The following ATRNL1 variants were observed in gnomAD, a reference collection of about 807,000 sequenced individuals.
The protein encoded by ATRNL1 is attractin-like protein 1.
ATRNL1 carries 95 observed loss-of-function variants against 182.7 expected under a neutral mutation model. The observed-to-expected ratio is 0.52, with a 90% CI of 0.44 to 0.62. The LOEUF (loss-of-function observed/expected upper bound fraction) is 0.62, where lower values mean the gene tolerates loss of function less well. ATRNL1 is among the 20% of genes least tolerant of loss of function. ATRNL1 has a pLI of 0.00. For missense variants in ATRNL1, 1,471 were observed against 1,679.5 expected, an observed-to-expected ratio of 0.88 and a Z score of 2.17; for synonymous variants, 576 against 568.3, an observed-to-expected ratio of 1.01 and a Z score of -0.19.
At chr10:115,401,535 C>T (rs1844563864) in intron 20 of ATRNL1, among the ~76,000 whole-genome samples, 1 of 152,128 alleles carries the variant, frequency 6.6e-6, no homozygotes. Flanking sequence ...CAAATATGAG[C>T]TGGATCCTAT....
intron 26 of ATRNL1, among the ~76,000 whole-genome samples, chr10:115,593,557 C>G (rs1477276203): frequency 1.3e-5 from 2 of 152,150 alleles, no homozygotes; most frequent in African/African-American, 4.8e-5. Flanking sequence ...AAGAATGAAA[C>G]TGGACTCTTA....
chr10:115,510,548 A>T (rs918592632), intron 24 of ATRNL1, among the ~76,000 whole-genome samples: 2 of 151,954 alleles, frequency 1.3e-5, no homozygotes, highest in African/African-American at 2.4e-5. Flanking sequence ...TTTTATATAT[A>T]TTTTCTTCTA....
At chr10:115,711,616 T>C (rs558155150) in intron 26 of ATRNL1, among the ~76,000 whole-genome samples, 2 of 152,260 alleles carry the variant, frequency 1.3e-5, no homozygotes, top group Non-Finnish European at 2.9e-5. Flanking sequence ...GGAGGCGAAT[T>C]CTAATGTCAG....
intron 17 of ATRNL1, among the ~76,000 whole-genome samples, chr10:115,309,769 C>G (rs1853921207): frequency 6.6e-6 from 1 of 151,972 alleles, no homozygotes; most frequent in Non-Finnish European, 1.5e-5. Flanking sequence ...TTAGGGTTTT[C>G]TAGGTATACA....
chr10:115,119,816 C>T (rs896741951), intron 1 of ATRNL1, among the ~76,000 whole-genome samples: 2 of 151,976 alleles, frequency 1.3e-5, no homozygotes, highest in Admixed American at 6.6e-5. Flanking sequence ...TTCTCTATTC[C>T]ATAGATTTGT....
chr10:115,842,566 C>G (rs1555097469), intron 27 of ATRNL1, among the ~76,000 whole-genome samples: 1 of 152,060 alleles, frequency 6.6e-6, no homozygotes, highest in African/African-American at 2.4e-5. Flanking sequence ...CAGGATCACA[C>G]AGCTAGCTAG....
chr10:115,910,130 AC>A lies in ATRNL1; in HGVS notation c.4019-34526del, dbSNP rs577859355. Among the ~76,000 whole-genome samples the A allele has an allele frequency of 8.4e-4, 127 of 152,060 alleles. 1 individual carries two copies. Among genetic ancestry groups the A allele is most frequent in the Non-Finnish European group, 1.6e-3 (106 of 67,982 alleles). On this transcript the variant is annotated intron_variant, in intron 28 of 28. Transcript: ENST00000355044. The stretch of plus-strand genomic sequence containing the variant: ...GGTGGTAAGAAAGCAACTGAAACCA[AC>A]CTGAGAAGGGCCATTGACATTACAT...
At chr10:115,836,101 C>T (rs1950665330) in intron 27 of ATRNL1, among the ~76,000 whole-genome samples, 1 of 152,148 alleles carries the variant, frequency 6.6e-6, no homozygotes, top group African/African-American at 2.4e-5. Context: ...CAACTATTTT[C>T]AATTTTAAGA....
chr10:115,332,241 T>C (rs781805391), intron 18 of ATRNL1, among the ~76,000 whole-genome samples: 3 of 152,180 alleles, frequency 2.0e-5, no homozygotes, highest in Non-Finnish European at 4.4e-5. Context: ...TGGGGTATTG[T>C]GGTCACAGAA....
intron 21 of ATRNL1, among the ~76,000 whole-genome samples, chr10:115,435,495 AATTTAT>A (rs1846364300): frequency 2.0e-5 from 3 of 152,228 alleles, no homozygotes; most frequent in South Asian, 4.2e-4. Context: ...TGAGCCCATA[AATTTAT>A]ATTTATTATA....
At chr10:115,503,319 A>C (rs2133641740) in intron 24 of ATRNL1, among the ~76,000 whole-genome samples, 1 of 152,266 alleles carries the variant, frequency 6.6e-6, no homozygotes, top group Non-Finnish European at 1.5e-5. Context: ...ACTGTACACA[A>C]TATTATGATG....
chr10:115,129,374 C>T lies in ATRNL1; in HGVS notation c.668C>T (p.Thr223Ile). The stretch of plus-strand genomic sequence containing the variant: ...TGCTCTGGTCATGGGAAGTGTACAA[C>T]TAGTGTCTCTGTTCCAAGTCAAGTA... ...NNCSGHGKCT[T>I]SVSVPSQVYC... is the part of the protein sequence containing the mutation. The change falls in exon 5 of 29, where the codon ACT becomes ATT. Residue 223 changes from threonine (T) to isoleucine (I), a missense_variant. This residue lies in a region of ATRNL1 where 1,031 missense variants were observed against 1,156.0 expected (regional missense o/e 0.89). Coordinates refer to ENST00000355044, the MANE Select transcript of ATRNL1 (RefSeq NM_207303.4). 2 of 1,613,780 alleles carry T rather than the reference C, an allele frequency of 1.2e-6. No homozygotes were observed. The highest frequency in any genetic ancestry group is 1.7e-6 in the Non-Finnish European group (2 of 1,179,720).
chr10:115,940,668 G>T (rs1364972844), intron 28 of ATRNL1, among the ~76,000 whole-genome samples: 1 of 142,156 alleles, frequency 7.0e-6, no homozygotes, highest in Non-Finnish European at 1.5e-5. Flanking sequence ...CAATGACAGA[G>T]ATTACTCTCT....
intron 26 of ATRNL1, among the ~76,000 whole-genome samples, chr10:115,590,576 T>C (rs1855841655): frequency 6.6e-6 from 1 of 152,166 alleles, no homozygotes; most frequent in Non-Finnish European, 1.5e-5. Flanking sequence ...TCTACTACAG[T>C]CTATTTTATC....
chr10:115,487,331 C>A (rs1246939695), intron 24 of ATRNL1, among the ~76,000 whole-genome samples: 2 of 152,058 alleles, frequency 1.3e-5, no homozygotes, highest in African/African-American at 4.8e-5. Flanking sequence ...TTACTTTGAG[C>A]AGTATGTCCA....
At chr10:115,443,677 AT>A in intron 21 of ATRNL1, among the ~76,000 whole-genome samples, 1 of 152,042 alleles carries the variant, frequency 6.6e-6, no homozygotes, top group African/African-American at 2.4e-5. Context: ...TAGACTTTCT[AT>A]TCTTGGTTAT....
At chr10:115,594,062 C>T (rs1856078952) in intron 26 of ATRNL1, among the ~76,000 whole-genome samples, 1 of 151,934 alleles carries the variant, frequency 6.6e-6, no homozygotes, top group Non-Finnish European at 1.5e-5. Flanking sequence ...TCAGCTGTGA[C>T]ATAATTCATA....
At chr10:115,130,338 T>C (rs1455754406) in intron 5 of ATRNL1, among the ~76,000 whole-genome samples, 4 of 152,088 alleles carry the variant, frequency 2.6e-5, no homozygotes, top group African/African-American at 7.2e-5. Flanking sequence ...TATAACACAG[T>C]GTAATAAATA....
intron 19 of ATRNL1, among the ~76,000 whole-genome samples, chr10:115,364,716 G>A (rs1200173426): frequency 6.6e-6 from 1 of 151,862 alleles, no homozygotes; most frequent in African/African-American, 2.4e-5. Context: ...TTTATTGAGA[G>A]TTTTTATCAT....
Sources: allele counts gnomAD v4.1 joint callset (sites outside exome capture counted in the v4.1 genomes callset), GRCh38; gene constraint gnomAD v4.1.1; regional missense constraint gnomAD v4.1.1; transcripts MANE v1.5; gene names NCBI Gene and HGNC (gene_info 2026-07-23, HGNC 2026-07-21).